Variants in ZNF385D observed in about 807,000 individuals in gnomAD.
ZNF385D encodes zinc finger protein 659.
ZNF385D carries 15 observed loss-of-function variants against 35.8 expected under a neutral mutation model. That is an observed-to-expected ratio of 0.42 (90% CI 0.28 to 0.64). ZNF385D has a LOEUF of 0.64. ZNF385D is among the 30% of genes least tolerant of loss of function. The pLI, the probability that ZNF385D is intolerant of heterozygous loss-of-function variation, is 0.23. For missense variants in ZNF385D, 474 were observed against 494.6 expected (o/e 0.96, Z 0.39); for synonymous variants, 212 against 186.8 (o/e 1.13, Z -1.10).
chr3:21,563,158 T>C (rs1415649574), intron 3 of ZNF385D: 1 of 152,158 alleles, frequency 6.6e-6, no homozygotes, highest in Non-Finnish European at 1.5e-5. Flanking sequence ...GTGAATGAGA[T>C]TGGTGCCCTT....
chr3:21,989,016 G>T (rs550724401), intron 3 of ZNF385D, among the ~76,000 whole-genome samples: 1 of 152,010 alleles, frequency 6.6e-6, no homozygotes, highest in Non-Finnish European at 1.5e-5. Context: ...TTCGGCTCGC[G>T]CACGGTGCGC....
At chr3:21,850,580 T>C (rs1244206089) in intron 3 of ZNF385D, among the ~76,000 whole-genome samples, 2 of 152,122 alleles carry the variant, frequency 1.3e-5, no homozygotes, top group Non-Finnish European at 2.9e-5. Flanking sequence ...ATTAAATGAT[T>C]AAGGTAAGAC....
intron 3 of ZNF385D, among the ~76,000 whole-genome samples, chr3:22,114,247 TTAAA>T (rs1702695070): frequency 6.6e-6 from 1 of 152,034 alleles, no homozygotes; most frequent in African/African-American, 2.4e-5. Flanking sequence ...TTACATAACA[TTAAA>T]TATTTATATT....
intron 2 of ZNF385D, among the ~76,000 whole-genome samples, chr3:22,323,067 G>T (rs933269088): frequency 6.6e-6 from 1 of 152,024 alleles, no homozygotes; most frequent in Non-Finnish European, 1.5e-5. Context: ...CAGGAAATGC[G>T]TAAAAGTCCT....
intron 1 of ZNF385D, among the ~76,000 whole-genome samples, chr3:21,739,988 C>G (rs1334743420): frequency 6.6e-6 from 1 of 152,172 alleles, no homozygotes; most frequent in Non-Finnish European, 1.5e-5. Flanking sequence ...TGCCCAACTT[C>G]TCCCCAGTCT....
intron 3 of ZNF385D, among the ~76,000 whole-genome samples, chr3:21,761,117 A>G (rs1247721811): frequency 6.6e-6 from 1 of 152,160 alleles, no homozygotes; most frequent in African/African-American, 2.4e-5. Context: ...TGAAAACTCC[A>G]GCCAAAGCCA....
chr3:21,444,575 C>T (rs111735227), intron 4 of ZNF385D, among the ~76,000 whole-genome samples: 9,161 of 150,498 alleles, frequency 0.061, 414 homozygotes, highest in Middle Eastern at 0.2. Context: ...TTAGTAGAGG[C>T]GGGGTTTCAC....
chr3:22,251,969 A>C (rs1290233091), intron 2 of ZNF385D, among the ~76,000 whole-genome samples: 1 of 152,120 alleles, frequency 6.6e-6, no homozygotes, highest in Non-Finnish European at 1.5e-5. Flanking sequence ...CAAAGTGCTT[A>C]GCTTAGTTTT....
At chr3:22,035,636 G>A (rs1559321173) in intron 3 of ZNF385D, among the ~76,000 whole-genome samples, 1 of 152,148 alleles carries the variant, frequency 6.6e-6, no homozygotes, top group Non-Finnish European at 1.5e-5. Context: ...TAAGTAGCCA[G>A]ATCAGCCTAA....
At chr3:21,982,647 T>C (rs1227800828) in intron 3 of ZNF385D, among the ~76,000 whole-genome samples, 2 of 152,198 alleles carry the variant, frequency 1.3e-5, no homozygotes, top group African/African-American at 2.4e-5. Context: ...ACAGACAGCA[T>C]ACTTGTCTTG....
At position 22,196,846 on chromosome 3, in the gene ZNF385D, C is replaced by A. The variant is rs140092856; in HGVS notation, c.107-27811G>T. Among the ~76,000 whole-genome samples, 1,011 of 152,172 alleles carry A rather than the reference C, an allele frequency of 6.6e-3. 6 individuals carry two copies. The highest frequency in any genetic ancestry group is 0.023 in the African/African-American group (943 of 41,576). ...GTACTAACCTGCTTTTATCTGAGAT[C>A]ATTTTCCCTCACTCTAGAGATTGTC... On this transcript the variant is annotated intron_variant, in intron 2 of 5. Coordinates refer to the ZNF385D transcript ENST00000494108.
At chr3:21,464,329 T>A (rs1193339902) in intron 4 of ZNF385D, among the ~76,000 whole-genome samples, 1 of 152,214 alleles carries the variant, frequency 6.6e-6, no homozygotes, top group Non-Finnish European at 1.5e-5. Flanking sequence ...AGTGGTCATC[T>A]CAGAATGGTT....
At chr3:22,305,602 G>A (rs1004651898) in intron 2 of ZNF385D, among the ~76,000 whole-genome samples, 3 of 152,090 alleles carry the variant, frequency 2.0e-5, no homozygotes, top group African/African-American at 7.2e-5. Context: ...AGAGTATGGT[G>A]AATGACCACA....
intron 1 of ZNF385D, among the ~76,000 whole-genome samples, chr3:21,733,311 G>C (rs556467816): frequency 6.6e-6 from 1 of 151,946 alleles, no homozygotes; most frequent in Non-Finnish European, 1.5e-5. Context: ...TCTGAAGTAG[G>C]GTAGTGTCAG....
intron 2 of ZNF385D, among the ~76,000 whole-genome samples, chr3:22,240,565 C>A (rs1699438488): frequency 1.3e-5 from 2 of 150,960 alleles, no homozygotes; most frequent in Non-Finnish European, 2.9e-5. Flanking sequence ...TACCTTGAGC[C>A]CTGCTTCATG....
intron 3 of ZNF385D, among the ~76,000 whole-genome samples, chr3:21,848,806 T>C (rs576482456): frequency 2.7e-4 from 41 of 152,120 alleles, no homozygotes; most frequent in African/African-American, 7.5e-4. Flanking sequence ...CCACCAAACA[T>C]ATAAAGAAGG....
intron 4 of ZNF385D, among the ~76,000 whole-genome samples, chr3:21,453,723 A>C (rs932479410): frequency 2.0e-5 from 3 of 152,090 alleles, no homozygotes; most frequent in Non-Finnish European, 2.9e-5. Context: ...AGTGTCAGTG[A>C]GAATGCAGAG....
At chr3:21,826,910 A>G (rs908962127) in intron 3 of ZNF385D, among the ~76,000 whole-genome samples, 1 of 151,912 alleles carries the variant, frequency 6.6e-6, no homozygotes, top group Non-Finnish European at 1.5e-5. Context: ...AACAGTGAAG[A>G]GTATGGACTT....
intron 3 of ZNF385D, chr3:21,979,941 T>C (rs1207048982): frequency 6.6e-6 from 1 of 152,190 alleles, no homozygotes; most frequent in Non-Finnish European, 1.5e-5. Context: ...ATTCTGCCTC[T>C]TCTTACTTAT....
Sources: gnomAD v4.1 joint callset for allele counts (sites outside exome capture counted in the v4.1 genomes callset) on GRCh38, gnomAD v4.1.1 for gene constraint, MANE v1.5 for transcripts, NCBI Gene and HGNC (gene_info 2026-07-23, HGNC 2026-07-21) for gene names.